The following TRPM3 variants were observed in gnomAD, a reference collection of about 807,000 sequenced individuals.
TRPM3 encodes long transient receptor potential channel 3.
Under a neutral mutation model 181.2 loss-of-function variants are expected in TRPM3, and 77 were observed. That is an observed-to-expected ratio of 0.42 (90% CI 0.35 to 0.51). The LOEUF is 0.51. Ranked by LOEUF, TRPM3 falls within the 20% of genes least tolerant of loss-of-function variation. TRPM3 has a pLI of 0.01. For synonymous variants in TRPM3, 745 were observed against 796.4 expected, an observed-to-expected ratio of 0.94 and a Z score of 1.09; for missense variants, 1,759 against 2,196.7, an observed-to-expected ratio of 0.80 and a Z score of 3.98.
At chr9:71,288,951 A>G (rs1167342034) in intron 1 of TRPM3, among the ~76,000 whole-genome samples, 2 of 152,120 alleles carry the variant, frequency 1.3e-5, no homozygotes, top group Non-Finnish European at 2.9e-5. Flanking sequence ...AATTCCCAAG[A>G]CTTTCTAACT....
chr9:70,570,194 A>G (rs889016977), intron 22 of TRPM3, among the ~76,000 whole-genome samples: 11 of 149,670 alleles, frequency 7.3e-5, no homozygotes, highest in African/African-American at 2.7e-4. Flanking sequence ...TGTAAAAATA[A>G]TGGAGCTGCA....
At chr9:71,069,156 T>C (rs1388389390) in intron 1 of TRPM3, among the ~76,000 whole-genome samples, 1 of 152,190 alleles carries the variant, frequency 6.6e-6, no homozygotes, top group East Asian at 1.9e-4. Context: ...CTAAGATATA[T>C]TATGTGAGAA....
At chr9:71,438,160 T>A (rs2094076292) in intron 1 of TRPM3, among the ~76,000 whole-genome samples, 1 of 152,116 alleles carries the variant, frequency 6.6e-6, no homozygotes, top group Non-Finnish European at 1.5e-5. Flanking sequence ...GCAGGATAAG[T>A]ACATTTCTCT....
At chr9:71,155,115 C>T (rs2075920825) in intron 1 of TRPM3, among the ~76,000 whole-genome samples, 1 of 152,016 alleles carries the variant, frequency 6.6e-6, no homozygotes, top group South Asian at 2.1e-4. Context: ...TCCAGCACAC[C>T]CCTATTTGTA....
chr9:71,003,300 A>G (rs1590501121), intron 1 of TRPM3, among the ~76,000 whole-genome samples: 1 of 149,424 alleles, frequency 6.7e-6, no homozygotes, highest in Non-Finnish European at 1.5e-5. Flanking sequence ...ATGGCACTTT[A>G]TTGTGCAAAG....
At chr9:70,558,597 G>A (rs978137550) in intron 22 of TRPM3, among the ~76,000 whole-genome samples, 6 of 152,128 alleles carry the variant, frequency 3.9e-5, no homozygotes, top group Non-Finnish European at 8.8e-5. Context: ...TGTCCAAGTG[G>A]GATCTTTGAC....
intron 1 of TRPM3, among the ~76,000 whole-genome samples, chr9:70,901,783 GTTTCCAAGTTATTAA>G (rs961914635): frequency 1.3e-5 from 2 of 152,136 alleles, no homozygotes; most frequent in Non-Finnish European, 2.9e-5. Flanking sequence ...GGCAGATTTT[GTTTCCAAGTTATTAA>G]TTTCCAAGTT....
At chr9:71,268,150 G>A (rs543683245) in intron 1 of TRPM3, among the ~76,000 whole-genome samples, 1 of 152,286 alleles carries the variant, frequency 6.6e-6, no homozygotes, top group East Asian at 1.9e-4. Flanking sequence ...GGAGACCGAA[G>A]CAGTTGGACC....
At chr9:71,249,112 C>G (rs1430342866) in intron 1 of TRPM3, among the ~76,000 whole-genome samples, 2 of 152,182 alleles carry the variant, frequency 1.3e-5, no homozygotes, top group Admixed American at 6.5e-5. Flanking sequence ...CAAAACTCAT[C>G]TGGAGGATCT....
At chr9:71,291,057 A>G (rs992476575) in intron 1 of TRPM3, among the ~76,000 whole-genome samples, 2 of 152,208 alleles carry the variant, frequency 1.3e-5, no homozygotes, top group African/African-American at 2.4e-5. Context: ...ACGAAGACAC[A>G]AACATTTAAA....
intron 3 of TRPM3, among the ~76,000 whole-genome samples, chr9:70,857,593 A>G (rs1414389209): frequency 6.6e-6 from 1 of 152,196 alleles, no homozygotes; most frequent in African/African-American, 2.4e-5. Flanking sequence ...TTCCCAACAA[A>G]ACATCTAATA....
At position 71,336,966 on chromosome 9, in the gene TRPM3, A is replaced by C. The variant is rs906432558; in HGVS notation, c.183+109687T>G. Among the ~76,000 whole-genome samples the C allele has an allele frequency of 3.3e-5, 5 of 152,238 alleles. No homozygotes were observed. In the South Asian group the frequency reaches 1.0e-3, roughly 32 times the overall value. On this transcript the variant is annotated intron_variant, in intron 1 of 24. Transcript: ENST00000357533. ...CAAAATTTAACTCAAGATGGATTAA[A>C]GACTTCAACGTAAGATCTAAAATGA...
intron 1 of TRPM3, among the ~76,000 whole-genome samples, chr9:71,279,985 A>G (rs1259880700): frequency 6.6e-6 from 1 of 151,196 alleles, no homozygotes; most frequent in Non-Finnish European, 1.5e-5. Context: ...AGGCTGAGCC[A>G]GTAGAATTGC....
intron 1 of TRPM3, among the ~76,000 whole-genome samples, chr9:71,037,371 A>G (rs1279799264): frequency 6.6e-6 from 1 of 152,214 alleles, no homozygotes; most frequent in Non-Finnish European, 1.5e-5. Context: ...CACAAATCCA[A>G]CAGTTTGACT....
At chr9:70,794,030 T>C (rs1376254764) in intron 6 of TRPM3, among the ~76,000 whole-genome samples, 1 of 152,158 alleles carries the variant, frequency 6.6e-6, no homozygotes, top group Non-Finnish European at 1.5e-5. Flanking sequence ...AACCCCATCA[T>C]AATTGGAGCA....
intron 1 of TRPM3, among the ~76,000 whole-genome samples, chr9:71,059,320 G>T (rs895648468): frequency 6.6e-6 from 1 of 151,720 alleles, no homozygotes; most frequent in Admixed American, 6.6e-5. Flanking sequence ...TATGCCCAAT[G>T]CAAACAAGTC....
At chr9:70,581,434 T>A (rs910978244) in intron 22 of TRPM3, among the ~76,000 whole-genome samples, 1 of 152,250 alleles carries the variant, frequency 6.6e-6, no homozygotes, top group African/African-American at 2.4e-5. Flanking sequence ...CTGGACAGTA[T>A]CTTGCAAAAG....
intron 1 of TRPM3, among the ~76,000 whole-genome samples, chr9:71,096,590 A>ACTCTCTCTCTCTCTCTCTCT (rs71367255): frequency 4.3e-4 from 39 of 90,026 alleles, no homozygotes; most frequent in African/African-American, 1.4e-3. Context: ...ACACACACAC[A>ACTCTCTCTCTCTCTCTCTCT]CTCTCTCTCT....
chr9:71,189,590 C>T (rs1427960721), intron 1 of TRPM3, among the ~76,000 whole-genome samples: 10 of 151,832 alleles, frequency 6.6e-5, no homozygotes, highest in Admixed American at 6.6e-4. Context: ...TCACAGCTAT[C>T]ACTTTTTCAT....
Sources: allele counts gnomAD v4.1 joint callset (sites outside exome capture counted in the v4.1 genomes callset), GRCh38; gene constraint gnomAD v4.1.1; transcripts MANE v1.5; gene names NCBI Gene and HGNC (gene_info 2026-07-23, HGNC 2026-07-21).